The following ATP10B variants were observed in gnomAD, a reference collection of about 807,000 sequenced individuals.
ATP10B encodes the protein phospholipid-transporting ATPase VB.
Under a neutral mutation model 141.2 loss-of-function variants are expected in ATP10B, and 122 were observed. The ratio of observed to expected loss-of-function variants is 0.86; its 90% CI spans 0.75 to 1.00. The LOEUF is 1.00. ATP10B is among the 50% of genes least tolerant of loss of function. The pLI is 0.00. For missense variants in ATP10B, 1,876 were observed against 1,825.3 expected (o/e 1.03, Z -0.51); for synonymous variants, 685 against 692.0 (o/e 0.99, Z 0.16).
chr5:160,717,366 G>T (rs1765722322), intron 2 of ATP10B, among the ~76,000 whole-genome samples: 1 of 152,100 alleles, frequency 6.6e-6, no homozygotes, highest in African/African-American at 2.4e-5. Context: ...GTGTCTTTGG[G>T]GAGCGTATGT....
chr5:160,909,160 C>T, the ATP10B span, among the ~76,000 whole-genome samples: 368 of 152,272 alleles, frequency 2.4e-3, 2 homozygotes, highest in African/African-American at 8.3e-3. Flanking sequence ...GAAGGGCAGG[C>T]ACTGAGGCCC....
chr5:160,615,404 C>T (rs1757942228), intron 17 of ATP10B, among the ~76,000 whole-genome samples: 1 of 151,250 alleles, frequency 6.6e-6, no homozygotes. Flanking sequence ...CATCTGCTAG[C>T]CCAGCTCTCA....
chr5:160,843,690 A>G (rs1052536950), intron 1 of ATP10B, among the ~76,000 whole-genome samples: 11 of 152,134 alleles, frequency 7.2e-5, no homozygotes, highest in African/African-American at 2.7e-4. Flanking sequence ...TTGATCAAAC[A>G]TACTGTAACA....
At chr5:160,607,230 C>T in intron 18 of ATP10B, 144 bp from the exon 19 acceptor site, 2 of 754,246 alleles carry the variant, frequency 2.7e-6, no homozygotes, top group Admixed American at 3.1e-5. Flanking sequence ...TTTTATATTT[C>T]TCTGCAATAT....
chr5:160,776,469 C>T lies in ATP10B; in HGVS notation c.-331+9090G>A, dbSNP rs142571946. 6.8e-3 allele frequency among the ~76,000 whole-genome samples: 1,029 copies of T among 152,318 alleles called. 12 individuals carry two copies. The highest frequency in any genetic ancestry group is 0.012 in the Non-Finnish European group (787 of 68,024). On this transcript the variant is annotated intron_variant, in intron 2 of 25. Coordinates refer to ENST00000327245, the MANE Select transcript of ATP10B (RefSeq NM_025153.3). The stretch of plus-strand genomic sequence containing the variant: ...CCAGGGGCTACATTGTCTGATTTTT[C>T]ACAGCAGCCCTGTGAGGTAGGTGCA...
At chr5:160,848,040 CTATT>C (rs1776230637) in intron 1 of ATP10B, among the ~76,000 whole-genome samples, 1 of 152,128 alleles carries the variant, frequency 6.6e-6, no homozygotes, top group African/African-American at 2.4e-5. Context: ...GGGAAAATAA[CTATT>C]TATGCCTAAG....
chr5:160,627,859 G>T (rs1187880763), intron 13 of ATP10B, among the ~76,000 whole-genome samples: 1 of 152,224 alleles, frequency 6.6e-6, no homozygotes, highest in East Asian at 1.9e-4. Context: ...CTGTTTCTGT[G>T]CACCTTTGGG....
intron 7 of ATP10B, among the ~76,000 whole-genome samples, chr5:160,656,609 T>A (rs905496173): frequency 1.6e-4 from 25 of 152,208 alleles, no homozygotes; most frequent in Admixed American, 1.6e-3. Flanking sequence ...ATTTACCACT[T>A]CACTAGATTC....
intron 7 of ATP10B, among the ~76,000 whole-genome samples, chr5:160,659,058 A>G (rs1468304867): frequency 6.6e-6 from 1 of 152,216 alleles, no homozygotes; most frequent in African/African-American, 2.4e-5. Flanking sequence ...CCAATACTAA[A>G]ATGTAAATAC....
At chr5:160,593,580 C>T (rs766860988) in intron 22 of ATP10B, among the ~76,000 whole-genome samples, 21 of 152,218 alleles carry the variant, frequency 1.4e-4, no homozygotes, top group South Asian at 4.1e-4. Context: ...ATGACTTTGA[C>T]GAGTTGAGGG....
chr5:160,690,421 C>T (rs1359016329), intron 3 of ATP10B, among the ~76,000 whole-genome samples: 1 of 152,106 alleles, frequency 6.6e-6, no homozygotes, highest in Non-Finnish European at 1.5e-5. Context: ...GAACAGGAAA[C>T]CTACAGAATG....
At chr5:160,885,584 A>G in the ATP10B span, among the ~76,000 whole-genome samples, 1 of 152,202 alleles carries the variant, frequency 6.6e-6, no homozygotes, top group Admixed American at 6.5e-5. Context: ...ATTAAATCCC[A>G]TTTTGAGTGG....
At chr5:160,865,497 T>G in the ATP10B span, among the ~76,000 whole-genome samples, 1 of 152,116 alleles carries the variant, frequency 6.6e-6, no homozygotes, top group Admixed American at 6.6e-5. Flanking sequence ...GAAAATCTCT[T>G]CTAGACATTG....
At chr5:160,701,684 C>T (rs1764688281) in intron 3 of ATP10B, among the ~76,000 whole-genome samples, 1 of 152,038 alleles carries the variant, frequency 6.6e-6, no homozygotes, top group East Asian at 1.9e-4. Flanking sequence ...TATCCCAGTG[C>T]CTCCTGGGAA....
intron 25 of ATP10B, among the ~76,000 whole-genome samples, chr5:160,567,216 G>C (rs1754601457): frequency 1.3e-5 from 2 of 152,140 alleles, no homozygotes; most frequent in Admixed American, 6.5e-5. Context: ...ATTAAGCCAT[G>C]AATAGGAAAG....
At chr5:160,695,013 G>A (rs1188771550) in intron 3 of ATP10B, among the ~76,000 whole-genome samples, 2 of 152,120 alleles carry the variant, frequency 1.3e-5, no homozygotes, top group East Asian at 3.8e-4. Flanking sequence ...TTTATAGAAA[G>A]GGCTGAAGAA....
intron 6 of ATP10B, among the ~76,000 whole-genome samples, chr5:160,677,119 C>G (rs533901151): frequency 6.6e-6 from 1 of 152,308 alleles, no homozygotes; most frequent in South Asian, 2.1e-4. Context: ...TAAATCCTTA[C>G]CCGTGGACAT....
At chr5:160,656,220 C>A (rs574146704) in intron 7 of ATP10B, among the ~76,000 whole-genome samples, 2 of 152,284 alleles carry the variant, frequency 1.3e-5, no homozygotes, top group South Asian at 4.1e-4. Context: ...GGCTACCCAT[C>A]TTCTGTTTCA....
chr5:160,798,228 G>C (rs948619699), intron 1 of ATP10B, among the ~76,000 whole-genome samples: 1 of 152,164 alleles, frequency 6.6e-6, no homozygotes, highest in African/African-American at 2.4e-5. Flanking sequence ...ACTGTGGCTA[G>C]AGCTCAGCTG....
Sources: allele counts gnomAD v4.1 joint callset (sites outside exome capture counted in the v4.1 genomes callset), GRCh38; gene constraint gnomAD v4.1.1; transcripts MANE v1.5; gene names NCBI Gene and HGNC (gene_info 2026-07-23, HGNC 2026-07-21).